RALYL: variants seen among roughly 807,000 people sequenced by gnomAD.
RALYL encodes RALY RNA binding protein like.
In RALYL, 29 loss-of-function variants were observed where a neutral mutation model predicts 35.1. The ratio of observed to expected loss-of-function variants is 0.83; its 90% CI spans 0.61 to 1.13. The LOEUF (loss-of-function observed/expected upper bound fraction) is 1.13, where lower values mean the gene tolerates loss of function less well. Ranked by LOEUF, RALYL falls within the 50% of genes most tolerant of loss-of-function variation. The probability of loss-of-function intolerance (pLI) is 0.00; values close to 1 mark genes in which losing one functional copy is unlikely to be tolerated. For missense variants in RALYL, 359 were observed against 360.4 expected, an observed-to-expected ratio of 1.00 and a Z score of 0.03; for synonymous variants, 120 against 127.6, an observed-to-expected ratio of 0.94 and a Z score of 0.40.
chr8:84,500,672 T>C (rs988551948), intron 1 of RALYL, among the ~76,000 whole-genome samples: 4 of 152,052 alleles, frequency 2.6e-5, no homozygotes, highest in Non-Finnish European at 5.9e-5. Context: ...TAAATGAAAA[T>C]TAATTGCTTT....
chr8:84,219,682 C>T (rs1821705471), intron 1 of RALYL, among the ~76,000 whole-genome samples: 1 of 151,498 alleles, frequency 6.6e-6, no homozygotes, highest in African/African-American at 2.4e-5. Context: ...CAGGGTGCAA[C>T]ATAGCATAAC....
intron 2 of RALYL, among the ~76,000 whole-genome samples, chr8:84,593,809 C>T (rs1273027070): frequency 6.6e-6 from 1 of 152,048 alleles, no homozygotes; most frequent in Non-Finnish European, 1.5e-5. Context: ...TTCTCCTTTG[C>T]AAAGTGAACA....
At chr8:84,190,021 C>G (rs187754649) in intron 1 of RALYL, among the ~76,000 whole-genome samples, 1 of 152,188 alleles carries the variant, frequency 6.6e-6, no homozygotes, top group African/African-American at 2.4e-5. Context: ...TCAGAAGAGA[C>G]GGTTCTCTGT....
chr8:84,864,162 C>G (rs538367878), intron 6 of RALYL, among the ~76,000 whole-genome samples: 2 of 151,870 alleles, frequency 1.3e-5, no homozygotes, highest in South Asian at 4.2e-4. Flanking sequence ...TGGTAAATCA[C>G]ACATGAGGTT....
At chr8:84,849,732 G>T (rs1835435341) in intron 4 of RALYL, among the ~76,000 whole-genome samples, 1 of 151,810 alleles carries the variant, frequency 6.6e-6, no homozygotes, top group South Asian at 2.1e-4. Flanking sequence ...TATTTATTTT[G>T]CTACCTGTTC....
chr8:84,911,341 T>A (rs1433676291), intron 8 of RALYL, among the ~76,000 whole-genome samples: 1 of 152,168 alleles, frequency 6.6e-6, no homozygotes, highest in East Asian at 1.9e-4. Context: ...GGTTATATCT[T>A]TTCATAACCC....
intron 1 of RALYL, among the ~76,000 whole-genome samples, chr8:84,354,661 T>C (rs1851491658): frequency 6.6e-6 from 1 of 150,422 alleles, no homozygotes; most frequent in African/African-American, 2.5e-5. Context: ...CTCTTAAGAC[T>C]TCTAGTGTTT....
intron 1 of RALYL, among the ~76,000 whole-genome samples, chr8:84,398,470 T>A (rs552729804): frequency 6.6e-6 from 1 of 152,278 alleles, no homozygotes; most frequent in East Asian, 1.9e-4. Context: ...TAAGAGGACC[T>A]AGAAAATATT....
intron 2 of RALYL, among the ~76,000 whole-genome samples, chr8:84,674,545 C>T (rs1329925811): frequency 6.6e-6 from 1 of 152,064 alleles, no homozygotes; most frequent in Non-Finnish European, 1.5e-5. Flanking sequence ...ACACAGCATT[C>T]TTTTGTAGTT....
chr8:84,393,473 A>C (rs1481457414), intron 1 of RALYL, among the ~76,000 whole-genome samples: 1 of 152,058 alleles, frequency 6.6e-6, no homozygotes, highest in Non-Finnish European at 1.5e-5. Context: ...ACAGAAGTAC[A>C]TCCCTTCAAT....
rs371340685 is a variant in RALYL, at chr8:84,850,375, T to C, written c.413+348T>C. Among the ~76,000 whole-genome samples the C allele has an allele frequency of 1.6e-4, 25 of 152,252 alleles. 1 individual carries two copies. The South Asian group carries it at 5.2e-3, about 32-fold the overall frequency. ...GAGTTTGAAAACTCAGAAAAATAAC[T>C]CCAACCTTCTGAAGTCCATAATAAA... is the stretch of plus-strand genomic sequence containing the variant. On this transcript the variant is annotated intron_variant, in intron 5 of 8. Transcript: ENST00000521268.
chr8:84,823,200 A>C (rs543534804), intron 4 of RALYL, among the ~76,000 whole-genome samples: 28 of 152,168 alleles, frequency 1.8e-4, no homozygotes, highest in Non-Finnish European at 3.7e-4. Flanking sequence ...ATAAAAAATA[A>C]AAATTTGGTT....
chr8:84,436,543 G>GTTTTTTTTTTT (rs150233257), intron 1 of RALYL, among the ~76,000 whole-genome samples: 1 of 62,406 alleles, frequency 1.6e-5, no homozygotes, highest in Non-Finnish European at 2.7e-5. Context: ...AATCATGGGA[G>GTTTTTTTTTTT]TTTTTTTTTT....
At chr8:84,854,342 C>T (rs1318699883) in intron 5 of RALYL, among the ~76,000 whole-genome samples, 2 of 145,532 alleles carry the variant, frequency 1.4e-5, no homozygotes, top group Non-Finnish European at 3.0e-5. Flanking sequence ...GAAACTCCGT[C>T]TAAAAAAAAG....
intron 1 of RALYL, among the ~76,000 whole-genome samples, chr8:84,432,000 G>C (rs1011589443): frequency 6.6e-6 from 1 of 152,104 alleles, no homozygotes; most frequent in Non-Finnish European, 1.5e-5. Flanking sequence ...AAATTCTGTA[G>C]CAGCTATGGA....
At position 84,244,856 on chromosome 8, in the gene RALYL, G is replaced by A. The variant is rs574501952; in HGVS notation, c.-24+60432G>A. ...AGTTGGGACTTGTGAAGATGGTGAA[G>A]GGTCTGAGATTTTGCCAGATATGTA... On this transcript the variant is annotated intron_variant, in intron 1 of 8. Transcript: ENST00000521268. 2.0e-5 allele frequency among the ~76,000 whole-genome samples: 3 copies of A among 152,122 alleles called. No homozygotes were observed. The South Asian group carries it at 6.2e-4, about 31-fold the overall frequency.
chr8:84,591,908 G>C (rs1813389103), intron 2 of RALYL, among the ~76,000 whole-genome samples: 1 of 152,132 alleles, frequency 6.6e-6, no homozygotes, highest in Non-Finnish European at 1.5e-5. Context: ...TGATATCTAT[G>C]ATATTTGTGG....
intron 8 of RALYL, among the ~76,000 whole-genome samples, chr8:84,902,239 G>A (rs1268173287): frequency 6.6e-6 from 1 of 152,138 alleles, no homozygotes; most frequent in East Asian, 1.9e-4. Flanking sequence ...GGCAGAAGAT[G>A]CAGCAGGAGT....
intron 1 of RALYL, among the ~76,000 whole-genome samples, chr8:84,256,920 A>G (rs1481810974): frequency 2.0e-5 from 3 of 152,000 alleles, no homozygotes; most frequent in African/African-American, 7.2e-5. Flanking sequence ...CGCTAATATT[A>G]TCTATTTTAT....
Sources: allele counts gnomAD v4.1 joint callset (sites outside exome capture counted in the v4.1 genomes callset), GRCh38; gene constraint gnomAD v4.1.1; transcripts MANE v1.5; gene names NCBI Gene and HGNC (gene_info 2026-07-23, HGNC 2026-07-21).